The following SNTG1 variants were observed in gnomAD, a reference collection of about 807,000 sequenced individuals.
The protein encoded by SNTG1 is gamma-1-syntrophin.
In SNTG1, 39 loss-of-function variants were observed where a neutral mutation model predicts 74.7. The observed-to-expected ratio is 0.52, with a 90% CI of 0.40 to 0.68. The LOEUF (loss-of-function observed/expected upper bound fraction) is 0.68, where lower values mean the gene tolerates loss of function less well. Among genes scored for constraint, SNTG1 ranks in the 30% least tolerant of loss-of-function variants. SNTG1 has a pLI of 0.00. For synonymous variants in SNTG1, 254 were observed against 217.1 expected (o/e 1.17, Z -1.49); for missense variants, 685 against 609.5 (o/e 1.12, Z -1.30).
chr8:49,966,399 T>G (rs1811143613), intron 1 of SNTG1, among the ~76,000 whole-genome samples: 1 of 151,810 alleles, frequency 6.6e-6, no homozygotes, highest in African/African-American at 2.4e-5. Context: ...ATTAATTAAT[T>G]AATTTTTTTT....
At chr8:50,683,560 C>A (rs1158750857) in intron 15 of SNTG1, among the ~76,000 whole-genome samples, 3 of 152,244 alleles carry the variant, frequency 2.0e-5, no homozygotes, top group South Asian at 2.1e-4. Flanking sequence ...TACCATTTCC[C>A]ACAAAGATCT....
At chr8:50,778,711 G>T (rs60340367) in intron 18 of SNTG1, among the ~76,000 whole-genome samples, 12,314 of 143,414 alleles carry the variant, frequency 0.086, 2,170 homozygotes, top group African/African-American at 0.32. Context: ...AGTTTAATTA[G>T]ATCCCATTTG....
chr8:50,723,470 T>C (rs1357964596), intron 17 of SNTG1, among the ~76,000 whole-genome samples: 7 of 152,194 alleles, frequency 4.6e-5, no homozygotes. Context: ...GTTTTCACCA[T>C]GCCTTCTCTA....
intron 1 of SNTG1, among the ~76,000 whole-genome samples, chr8:50,046,483 T>C (rs1819095300): frequency 6.6e-6 from 1 of 152,224 alleles, no homozygotes; most frequent in Non-Finnish European, 1.5e-5. Flanking sequence ...TATTTAAATG[T>C]TTAACTCACT....
chr8:50,652,779 A>G (rs965988710), intron 13 of SNTG1, among the ~76,000 whole-genome samples: 25 of 152,006 alleles, frequency 1.6e-4, no homozygotes, highest in Admixed American at 1.5e-3. Flanking sequence ...CCTGGATGAC[A>G]GAGTGTGACT....
At chr8:50,027,097 A>G (rs1261270588) in intron 1 of SNTG1, among the ~76,000 whole-genome samples, 2 of 152,100 alleles carry the variant, frequency 1.3e-5, no homozygotes, top group Non-Finnish European at 2.9e-5. Flanking sequence ...TGACCATTCG[A>G]CACATTATTT....
intron 1 of SNTG1, among the ~76,000 whole-genome samples, chr8:49,997,933 A>G (rs1217030374): frequency 6.6e-6 from 1 of 152,180 alleles, no homozygotes; most frequent in African/African-American, 2.4e-5. Flanking sequence ...TAATGGGAAT[A>G]CTTTCTGAGA....
At chr8:50,752,212 C>A in intron 18 of SNTG1, 101 bp downstream of exon 18, 1 of 535,134 alleles carries the variant, frequency 1.9e-6, no homozygotes, top group Non-Finnish European at 3.2e-6. Context: ...CAAAAACACA[C>A]ATTCTCTGCT....
chr8:49,973,381 G>T (rs1216942859), intron 1 of SNTG1, among the ~76,000 whole-genome samples: 1 of 151,828 alleles, frequency 6.6e-6, no homozygotes, highest in Non-Finnish European at 1.5e-5. Flanking sequence ...GGGGAAGGGG[G>T]AGGGGTAGCA....
At chr8:50,759,727 A>G (rs978899219) in intron 18 of SNTG1, among the ~76,000 whole-genome samples, 1 of 152,092 alleles carries the variant, frequency 6.6e-6, no homozygotes, top group Non-Finnish European at 1.5e-5. Flanking sequence ...TACCAGTACC[A>G]TGCTGTTTTG....
intron 2 of SNTG1, among the ~76,000 whole-genome samples, chr8:50,333,320 C>T (rs2091030755): frequency 6.6e-6 from 1 of 152,218 alleles, no homozygotes; most frequent in Non-Finnish European, 1.5e-5. Flanking sequence ...ATAATGGTGT[C>T]TAATACATAT....
rs2131884315 is a variant in SNTG1 at position 50,795,046 on chromosome 8, TTATATGCA to T, written c.*2220_*2227del. On this transcript the variant is annotated 3_prime_UTR_variant, in exon 19 of 19. Coordinates refer to ENST00000642720, the MANE Select transcript of SNTG1 (RefSeq NM_018967.5). ...AATACACACACACCTACATATGTAT[TTATATGCA>T]TACATGGGTGTATATATATATAAAT... The T allele has an allele frequency of 6.8e-6, 1 of 146,602 alleles. No homozygotes were observed. The highest frequency in any genetic ancestry group is 2.3e-4 in the South Asian group (1 of 4,346). The allele number at this position is 146,602 out of a possible 1,614,324, so 9.1% of individuals were successfully genotyped here. A position where few individuals can be genotyped will look rare whatever the true frequency, so the allele number is the denominator to read the frequency against.
intron 12 of SNTG1, among the ~76,000 whole-genome samples, chr8:50,573,624 T>C (rs946874234): frequency 2.0e-5 from 3 of 151,816 alleles, no homozygotes; most frequent in Admixed American, 6.6e-5. Context: ...ATTTTAGTAA[T>C]TTGATAAACA....
At chr8:50,059,606 T>C (rs1486353050) in intron 1 of SNTG1, among the ~76,000 whole-genome samples, 2 of 152,130 alleles carry the variant, frequency 1.3e-5, no homozygotes, top group Non-Finnish European at 2.9e-5. Flanking sequence ...TATGCGACTT[T>C]TGTGATTCAC....
chr8:50,205,585 G>A (rs1481141084), intron 2 of SNTG1, among the ~76,000 whole-genome samples: 2 of 152,108 alleles, frequency 1.3e-5, no homozygotes, highest in Non-Finnish European at 2.9e-5. Flanking sequence ...GATCCCATTT[G>A]TCCATTTTGG....
rs775038002 is a variant in SNTG1, at chr8:50,590,828, G to T, written c.811-51G>T. The T allele has an allele frequency of 4.0e-6, 5 of 1,234,664 alleles. No homozygotes were observed. The South Asian group carries it at 4.3e-5, about 11-fold the overall frequency. The allele number at this position is 1,234,664 out of a possible 1,614,324, so 76.5% of individuals were successfully genotyped here. A position where few individuals can be genotyped will look rare whatever the true frequency, so the allele number is the denominator to read the frequency against. On this transcript the variant is annotated intron_variant, in intron 12 of 18. Coordinates refer to ENST00000642720, the MANE Select transcript of SNTG1 (RefSeq NM_018967.5). ...ATCTGCATAAAATTCTGGGGACCTT[G>T]TGTTACCATCTATTGTTCTTCTCAC...
chr8:50,489,021 T>C (rs944266288), intron 8 of SNTG1, among the ~76,000 whole-genome samples: 17 of 152,054 alleles, frequency 1.1e-4, no homozygotes, highest in African/African-American at 3.4e-4. Flanking sequence ...AGTGAGAACA[T>C]GTGGTGTTTG....
intron 1 of SNTG1, among the ~76,000 whole-genome samples, chr8:49,987,625 A>AT (rs1396017154): frequency 6.9e-6 from 1 of 145,066 alleles, no homozygotes; most frequent in Non-Finnish European, 1.5e-5. Context: ...GTAATTGTGG[A>AT]TTTTTTCCTT....
intron 18 of SNTG1, among the ~76,000 whole-genome samples, chr8:50,765,042 T>C (rs1585738601): frequency 6.6e-6 from 1 of 151,988 alleles, no homozygotes; most frequent in East Asian, 1.9e-4. Context: ...TTCCCACTTA[T>C]ATGTAGAATC....
Sources: allele counts gnomAD v4.1 joint callset (sites outside exome capture counted in the v4.1 genomes callset), GRCh38; gene constraint gnomAD v4.1.1; transcripts MANE v1.5; gene names NCBI Gene and HGNC (gene_info 2026-07-23, HGNC 2026-07-21).